LRRC8E: variants seen among roughly 807,000 people sequenced by gnomAD.
LRRC8E encodes the protein volume-regulated anion channel subunit LRRC8E.
LRRC8E carries 6 observed loss-of-function variants against 6.1 expected under a neutral mutation model. That is an observed-to-expected ratio of 0.98 (90% CI 0.54 to 1.93). LRRC8E has a LOEUF of 1.93. Among genes scored for constraint, LRRC8E ranks in the 30% most tolerant of loss-of-function variants. The pLI, the probability that LRRC8E is intolerant of heterozygous loss-of-function variation, is 0.01. For synonymous variants in LRRC8E, 485 were observed against 472.8 expected (o/e 1.03, Z -0.33); for missense variants, 1,028 against 1,031.4 (o/e 1.00, Z 0.04).
chr19:7,899,666 G>A lies in LRRC8E; in HGVS notation c.1144G>A (p.Ala382Thr), dbSNP rs1555698579. 1.4e-5 allele frequency: 22 copies of A among 1,613,544 alleles called. No homozygotes were observed. The highest frequency in any genetic ancestry group is 1.2e-4 in the Admixed American group (7 of 59,998). ...CGACTCCCTCTACTCCAAGCGCTTC[G>A]CCGTCTTCCTGTCCGAGGTCAGCGA... is the stretch of plus-strand genomic sequence containing the variant. Reference protein sequence around the residue: ...QYDSLYSKRFAVFLSEVSESR... With the variant: ...QYDSLYSKRFTVFLSEVSESR... The change falls in exon 3 of 3, where the codon GCC becomes ACC. Residue 382 changes from alanine to threonine, a missense_variant. Ala to Thr is a moderately conservative substitution (Grantham distance 58). Coordinates refer to ENST00000306708, the MANE Select transcript of LRRC8E (RefSeq NM_025061.6).
At position 7,899,123 on chromosome 19, in the gene LRRC8E, G is replaced by A. The variant is rs763096160; in HGVS notation, c.601G>A (p.Gly201Ser). 1.2e-6 allele frequency: 2 copies of A among 1,613,432 alleles called. No homozygotes were observed. Among genetic ancestry groups the A allele is most frequent in the East Asian group, 4.5e-5 (2 of 44,868 alleles). The change falls in exon 3 of 3, where the codon GGT becomes AGT. Residue 201 changes from glycine (G) to serine (S), a missense_variant. Physicochemically the swap from Gly to Ser is moderately conservative, Grantham distance 56. Coordinates refer to ENST00000306708, the MANE Select transcript of LRRC8E (RefSeq NM_025061.6). ...AGTGPGKAGE[G>S]EKEKVLAEPE... ...GACCGGGCCGGGGAAGGCAGGGGAG[G>A]GTGAGAAGGAGAAAGTGCTGGCGGA...
intron 1 of LRRC8E, among the ~76,000 whole-genome samples, chr19:7,891,148 G>A (rs1238676887): frequency 6.6e-6 from 1 of 152,216 alleles, no homozygotes; most frequent in Non-Finnish European, 1.5e-5. Context: ...CCTGAGTCTG[G>A]AAAGCAAAGT....
intron 2 of LRRC8E, 127 bp from the exon 3 acceptor site, chr19:7,898,534 T>A: frequency 2.5e-6 from 2 of 803,678 alleles, no homozygotes; most frequent in Non-Finnish European, 4.0e-6. Flanking sequence ...TAATTTTGTA[T>A]TTTTAGTAGA....
chr19:7,899,770 G>A lies in LRRC8E; in HGVS notation c.1248G>A (p.Ala416=), dbSNP rs757618241. Residue 416 remains alanine, a synonymous_variant, in exon 3 of 3, where the codon GCG becomes GCA. Transcript: ENST00000306708. ...KLRQKLQRNA[A]GRLELALCML... is the part of the protein sequence containing the mutation. The stretch of plus-strand genomic sequence containing the variant: ...GACAGAAGCTGCAGCGCAATGCCGC[G>A]GGCCGGCTGGAGCTGGCCCTCTGCA... 19 of 1,610,606 alleles carry A rather than the reference G, an allele frequency of 1.2e-5. No individual in the cohort carries two copies. Among genetic ancestry groups the A allele is most frequent in the East Asian group, 6.7e-5 (3 of 44,884 alleles).
rs544167416 is a variant in LRRC8E, at chr19:7,900,786, A to G, written c.2264A>G (p.Asn755Ser). 5.0e-6 allele frequency: 8 copies of G among 1,607,776 alleles called. No homozygotes were observed. In the South Asian group the frequency reaches 5.5e-5, roughly 11 times the overall value. ...CTCAGCCGCCTGGAGCTCAAAGGCAACCGCTTAGAGGCGCTGCCAGAAGAA... is the reference window on the plus strand; with the variant it reads ...CTCAGCCGCCTGGAGCTCAAAGGCAGCCGCTTAGAGGCGCTGCCAGAAGAA... ...RALSRLELKG[N>S]RLEALPEELG... Residue 755 changes from asparagine to serine, a missense_variant, in exon 3 of 3, where the codon AAC becomes AGC. Coordinates refer to ENST00000306708, the MANE Select transcript of LRRC8E (RefSeq NM_025061.6). This position sits in a 1 kb window ranked among gnomAD's most constrained non-coding sequence, Gnocchi z 5.0.
At chr19:7,897,353 T>C (rs1321794374) in intron 2 of LRRC8E, among the ~76,000 whole-genome samples, 1 of 152,002 alleles carries the variant, frequency 6.6e-6, no homozygotes, top group Non-Finnish European at 1.5e-5. Context: ...TTTGTATTTT[T>C]AGTAGAGACG....
rs981740919 is a variant in LRRC8E, at chr19:7,898,942, T to C, written c.420T>C (p.Pro140=). ...MVCTSFWFKF[P]GTSSKIEHFI... is the part of the protein sequence containing the mutation. ...GCACCAGTTTCTGGTTCAAGTTCCCTGGCACCAGCTCCAAGATTGAACACT... is the reference window on the plus strand; with the variant it reads ...GCACCAGTTTCTGGTTCAAGTTCCCCGGCACCAGCTCCAAGATTGAACACT... The change falls in exon 3 of 3, where the codon CCT becomes CCC. Residue 140 remains proline, a synonymous_variant. Transcript: ENST00000306708. The C allele has an allele frequency of 3.7e-6, 6 of 1,614,228 alleles. No individual in the cohort carries two copies. In the African/African-American group the frequency reaches 8.0e-5, roughly 22 times the overall value.
chr19:7,894,050 C>T (rs1418361304), intron 1 of LRRC8E, among the ~76,000 whole-genome samples: 1 of 152,078 alleles, frequency 6.6e-6, no homozygotes, highest in African/African-American at 2.4e-5. Flanking sequence ...GGGGGGGACA[C>T]AAACTGAAAA....
chr19:7,894,247 A>G (rs1050385018), intron 1 of LRRC8E, among the ~76,000 whole-genome samples: 2 of 151,970 alleles, frequency 1.3e-5, no homozygotes, highest in African/African-American at 4.8e-5. Context: ...TTTGTTTGAG[A>G]TGGAGTCTCA....
Position 7,900,078 on chromosome 19 carries a change from C to T in LRRC8E, c.1556C>T (p.Pro519Leu), listed in dbSNP as rs1274906659. ...GAGCTGCACCTGGAGGGGCTTTTCC[C>T]CCAGGAGCTAGCTCGGGCAGCCACC... ...LEELHLEGLF[P>L]QELARAATLE... The change falls in exon 3 of 3, where the codon CCC (proline) becomes CTC (leucine). Residue 519 changes from proline to leucine, a missense_variant. Pro to Leu is a moderately conservative substitution (Grantham distance 98, BLOSUM62 -3). Transcript: ENST00000306708. This position sits in a 1 kb window ranked among gnomAD's most constrained non-coding sequence, Gnocchi z 5.0. 6.2e-7 allele frequency: 1 copy of T among 1,612,130 alleles called. No individual in the cohort carries two copies. The highest frequency in any genetic ancestry group is 2.2e-5 in the East Asian group (1 of 44,860).
intron 1 of LRRC8E, among the ~76,000 whole-genome samples, chr19:7,894,717 C>T (rs1177311125): frequency 3.3e-5 from 5 of 152,180 alleles, no homozygotes; most frequent in Non-Finnish European, 5.9e-5. Flanking sequence ...TGATTTGTGG[C>T]TGGCCTGTCT....
chr19:7,899,489 T>TAC lies in LRRC8E; in HGVS notation c.968_969dup (p.Gly324ThrfsTer71). ...CTGTTACATCTCCTTTGTGTGCATCTACGGACTTACCTGCATCTACACGCT... is the reference window on the plus strand; with the variant it reads ...CTGTTACATCTCCTTTGTGTGCATCTACACGGACTTACCTGCATCTACACGCT... On this transcript the variant is annotated frameshift_variant, in exon 3 of 3. Transcript: ENST00000306708. LOFTEE classifies it low-confidence loss of function (END_TRUNC). The TAC allele has an allele frequency of 6.2e-7, 1 of 1,613,590 alleles. No individual in the cohort carries two copies.
chr19:7,893,462 G>A (rs1309145206), intron 1 of LRRC8E: 2 of 152,156 alleles, frequency 1.3e-5, no homozygotes, highest in Non-Finnish European at 2.9e-5. Flanking sequence ...GCCAGGCCAT[G>A]GTGCGAAGGA....
intron 1 of LRRC8E, among the ~76,000 whole-genome samples, chr19:7,890,184 A>T (rs991034194): frequency 6.6e-6 from 1 of 151,294 alleles, no homozygotes; most frequent in Admixed American, 6.6e-5. Flanking sequence ...TCACTCTCCC[A>T]CCCTTCCCCC....
At position 7,901,604 on chromosome 19, in the gene LRRC8E, G is replaced by C. The variant is rs908825142; in HGVS notation, c.*691G>C. On this transcript the variant is annotated 3_prime_UTR_variant, in exon 3 of 3. Coordinates refer to ENST00000306708, the MANE Select transcript of LRRC8E (RefSeq NM_025061.6). ...TGACGTAAAGGTATCAGGGCCGGGC[G>C]CTGTGGCTCATGACTATAATCCCAG... The C allele has an allele frequency of 6.6e-6, 1 of 151,934 alleles. No individual in the cohort carries two copies. The highest frequency in any genetic ancestry group is 1.5e-5 in the Non-Finnish European group (1 of 68,030). 9.4% of individuals were successfully genotyped at this position (151,934 alleles called of 1,614,324 possible).
At chr19:7,898,629 G>T (rs753576689) in intron 2 of LRRC8E, 32 bp from the exon 3 acceptor site, 1 of 1,562,502 alleles carries the variant, frequency 6.4e-7, no homozygotes, top group South Asian at 1.2e-5. Context: ...AAAGTGCTAG[G>T]ATTACAGCCC....
Position 7,895,468 on chromosome 19 carries a change from T to G in LRRC8E, c.-5-131T>G. ...TAAGAGGGAAGTGGGGGCACACACT[T>G]TGGTGGTTTGGACAAGTTTGGGCAG... is the stretch of plus-strand genomic sequence containing the variant. On this transcript the variant is annotated intron_variant, in intron 1 of 2. Coordinates refer to ENST00000306708, the MANE Select transcript of LRRC8E (RefSeq NM_025061.6). The surrounding 1 kb of genome is among the most constrained non-coding windows in gnomAD (Gnocchi z 4.7). 1.8e-6 allele frequency: 2 copies of G among 1,112,136 alleles called. No homozygotes were observed. The highest frequency in any genetic ancestry group is 2.6e-6 in the Non-Finnish European group (2 of 763,298). The allele number at this position is 1,112,136 out of a possible 1,614,324, so 68.9% of individuals were successfully genotyped here. A position where few individuals can be genotyped will look rare whatever the true frequency, so the allele number is the denominator to read the frequency against.
At chr19:7,889,752 C>CT (rs1981206239) in intron 1 of LRRC8E, among the ~76,000 whole-genome samples, 2 of 85,630 alleles carry the variant, frequency 2.3e-5, no homozygotes, top group Non-Finnish European at 2.8e-5. Context: ...CTCTCTCTCT[C>CT]TCTTTTTTTT....
chr19:7,892,111 C>T (rs556054527), intron 1 of LRRC8E, among the ~76,000 whole-genome samples: 6 of 150,326 alleles, frequency 4.0e-5, no homozygotes, highest in Non-Finnish European at 7.4e-5. Context: ...CTCGCTCTGT[C>T]GCCCAGGCTG....
Sources: gnomAD v4.1 joint callset for allele counts (sites outside exome capture counted in the v4.1 genomes callset) on GRCh38, gnomAD v4.1.1 for gene constraint, Gnocchi (gnomAD v3.1) non-coding constraint, MANE v1.5 for transcripts, NCBI Gene and HGNC (gene_info 2026-07-23, HGNC 2026-07-21) for gene names.